NYAP2: variants seen among roughly 807,000 people sequenced by gnomAD.
The protein encoded by NYAP2 is neuronal tyrosine-phosphorylated phosphoinositide-3-kinase adapter 2.
In NYAP2, 23 loss-of-function variants were observed where a neutral mutation model predicts 50.4. The ratio of observed to expected loss-of-function variants is 0.46; its 90% CI spans 0.33 to 0.65. The LOEUF is 0.65. Among genes scored for constraint, NYAP2 ranks in the 30% least tolerant of loss-of-function variants. NYAP2 has a pLI of 0.02. For missense variants in NYAP2, 885 were observed against 861.0 expected, an observed-to-expected ratio of 1.03 and a Z score of -0.35; for synonymous variants, 394 against 365.2, an observed-to-expected ratio of 1.08 and a Z score of -0.90.
Position 225,450,348 on chromosome 2 carries a change from T to G in NYAP2, c.221+41247T>G, listed in dbSNP as rs1689630448. On this transcript the variant is annotated intron_variant, in intron 3 of 6. Coordinates refer to ENST00000636099, the Ensembl canonical transcript of NYAP2. ...GAAGAGAGAAGCACAAGAGATGTGTTTGTTTCTGAAGAGACTGATCTGGTC... is the reference window on the plus strand; with the variant it reads ...GAAGAGAGAAGCACAAGAGATGTGTGTGTTTCTGAAGAGACTGATCTGGTC... 2.0e-5 allele frequency among the ~76,000 whole-genome samples: 3 copies of G among 152,342 alleles called. No homozygotes were observed. In the South Asian group the frequency reaches 6.2e-4, roughly 32 times the overall value.
chr2:225,684,036 G>A, the NYAP2 span, among the ~76,000 whole-genome samples: 1 of 152,144 alleles, frequency 6.6e-6, no homozygotes, highest in African/African-American at 2.4e-5. Context: ...GGGAGTAAGT[G>A]TTGGTTTGGA....
the NYAP2 span, among the ~76,000 whole-genome samples, chr2:225,694,297 A>C: frequency 6.6e-6 from 1 of 151,690 alleles, no homozygotes; most frequent in African/African-American, 2.4e-5. Context: ...GGGATTTTAC[A>C]CATCTTTTTT....
intron 3 of NYAP2, among the ~76,000 whole-genome samples, chr2:225,493,351 G>A (rs1307009207): frequency 6.6e-6 from 1 of 152,190 alleles, no homozygotes; most frequent in Non-Finnish European, 1.5e-5. Flanking sequence ...CTACGTTAGT[G>A]AATAGTGATG....
intron 6 of NYAP2, among the ~76,000 whole-genome samples, chr2:225,636,550 C>G (rs1693420339): frequency 1.3e-5 from 2 of 151,446 alleles, no homozygotes; most frequent in Admixed American, 6.6e-5. Flanking sequence ...GGTATATACC[C>G]AAAGGATTAC....
intron 3 of NYAP2, among the ~76,000 whole-genome samples, chr2:225,423,101 T>C (rs1574606944): frequency 6.6e-6 from 1 of 152,152 alleles, no homozygotes; most frequent in East Asian, 1.9e-4. Context: ...TCTTACAAGA[T>C]TAGAAGTCTC....
chr2:225,480,616 C>T (rs903018358), intron 3 of NYAP2, among the ~76,000 whole-genome samples: 1 of 151,920 alleles, frequency 6.6e-6, no homozygotes, highest in South Asian at 2.1e-4. Flanking sequence ...TATTGTGAAG[C>T]TGTGCAAAAG....
At chr2:225,604,010 A>G (rs1054248872) in intron 5 of NYAP2, among the ~76,000 whole-genome samples, 1 of 152,214 alleles carries the variant, frequency 6.6e-6, no homozygotes, top group African/African-American at 2.4e-5. Flanking sequence ...TATCAGTAAC[A>G]TCAGAAATAA....
chr2:225,421,704 C>G (rs924630599), intron 3 of NYAP2, among the ~76,000 whole-genome samples: 3 of 152,222 alleles, frequency 2.0e-5, no homozygotes, highest in African/African-American at 7.2e-5. Flanking sequence ...AGTATTCTCT[C>G]CGGCCTAGTG....
At chr2:225,402,742 G>T (rs139501083) in intron 2 of NYAP2, among the ~76,000 whole-genome samples, 82 of 152,140 alleles carry the variant, frequency 5.4e-4, no homozygotes, top group Middle Eastern at 6.8e-3. Flanking sequence ...ATTTTGGGCA[G>T]AACAGCTGCA....
chr2:225,559,037 A>G (rs1426929001), intron 4 of NYAP2, among the ~76,000 whole-genome samples: 3 of 151,968 alleles, frequency 2.0e-5, no homozygotes, highest in Non-Finnish European at 4.4e-5. Flanking sequence ...TGTTTTTATT[A>G]TATTAGGAGG....
chr2:225,622,112 G>T (rs903387763), intron 5 of NYAP2, among the ~76,000 whole-genome samples: 4 of 152,112 alleles, frequency 2.6e-5, no homozygotes, highest in African/African-American at 9.7e-5. Flanking sequence ...GCTCACTGCA[G>T]CCTCGACCTC....
intron 3 of NYAP2, among the ~76,000 whole-genome samples, chr2:225,448,318 G>T (rs1689595804): frequency 6.6e-6 from 1 of 152,160 alleles, no homozygotes; most frequent in Non-Finnish European, 1.5e-5. Flanking sequence ...GGCTGTGATT[G>T]TGTAGCTTCA....
At chr2:225,501,944 C>T (rs529896250) in intron 3 of NYAP2, among the ~76,000 whole-genome samples, 1 of 152,252 alleles carries the variant, frequency 6.6e-6, no homozygotes, top group Non-Finnish European at 1.5e-5. Flanking sequence ...GCATAGAGTC[C>T]TTTGGCAATG....
chr2:225,518,778 G>A (rs1690989274), intron 4 of NYAP2, among the ~76,000 whole-genome samples: 1 of 151,558 alleles, frequency 6.6e-6, no homozygotes, highest in Non-Finnish European at 1.5e-5. Context: ...CAGCACTTTA[G>A]GAGGCCTAGA....
At chr2:225,633,165 C>T (rs1160590525) in intron 6 of NYAP2, among the ~76,000 whole-genome samples, 2 of 152,154 alleles carry the variant, frequency 1.3e-5, no homozygotes, top group African/African-American at 2.4e-5. Flanking sequence ...CCCTGCTGGG[C>T]CACCCTGACA....
chr2:225,411,533 G>A (rs1251128023), intron 3 of NYAP2, among the ~76,000 whole-genome samples: 2 of 151,942 alleles, frequency 1.3e-5, no homozygotes, highest in African/African-American at 4.8e-5. Context: ...ATTCCAAGCC[G>A]AAGGTACAAA....
chr2:225,694,570 C>A, the NYAP2 span, among the ~76,000 whole-genome samples: 1 of 151,634 alleles, frequency 6.6e-6, no homozygotes, highest in Non-Finnish European at 1.5e-5. Flanking sequence ...TGACTATGCA[C>A]CCAAACATGT....
the NYAP2 span, among the ~76,000 whole-genome samples, chr2:225,694,105 G>A: frequency 1.9e-3 from 294 of 152,082 alleles, no homozygotes; most frequent in African/African-American, 6.7e-3. Context: ...ACCTACTTAC[G>A]TATACATTTT....
At chr2:225,656,978 T>C (rs1156539800), downstream of NYAP2, among the ~76,000 whole-genome samples, 1 of 152,174 alleles carries the variant, frequency 6.6e-6, no homozygotes, top group Non-Finnish European at 1.5e-5. Context: ...GAGCTTTCAT[T>C]GAACTTTCTA....
Sources: gnomAD v4.1 joint callset for allele counts (sites outside exome capture counted in the v4.1 genomes callset) on GRCh38, gnomAD v4.1.1 for gene constraint, MANE v1.5 for transcripts, NCBI Gene and HGNC (gene_info 2026-07-23, HGNC 2026-07-21) for gene names.